KLHL8: variants seen among roughly 807,000 people sequenced by gnomAD.
The protein encoded by KLHL8 is kelch-like protein 8.
KLHL8 carries 38 observed loss-of-function variants against 63.5 expected under a neutral mutation model. The observed-to-expected ratio is 0.60, with a 90% CI of 0.46 to 0.78. KLHL8 has a LOEUF of 0.78. Among genes scored for constraint, KLHL8 ranks in the 30% least tolerant of loss-of-function variants. KLHL8 has a pLI of 0.00. For synonymous variants in KLHL8, 224 were observed against 254.3 expected (o/e 0.88, Z 1.13); for missense variants, 566 against 752.4 (o/e 0.75, Z 2.90).
At chr4:87,165,497 G>A (rs1258879406) in intron 8 of KLHL8, among the ~76,000 whole-genome samples, 3 of 151,582 alleles carry the variant, frequency 2.0e-5, no homozygotes, top group East Asian at 1.9e-4. Flanking sequence ...GGGCTCAAGC[G>A]ATCCTCCCAC....
rs1280953675 is a variant in KLHL8 at position 87,163,949 on chromosome 4, G to T, written c.1668C>A (p.Ile556=). 6.2e-7 allele frequency: 1 copy of T among 1,614,018 alleles called. No homozygotes were observed. Among genetic ancestry groups the T allele is most frequent in the Non-Finnish European group, 8.5e-7 (1 of 1,180,036 alleles). Residue 556 remains isoleucine, a synonymous_variant, in exon 9 of 10, where the codon ATC becomes ATA. Coordinates refer to ENST00000273963, the MANE Select transcript of KLHL8 (RefSeq NM_020803.5). ...TGCCATTATGACCACCAACTGCAAA[G>T]ATTTTGCCCATCACTGTTGCGATTC... is the stretch of plus-strand genomic sequence containing the variant. ...GVGIATVMGK[I]FAVGGHNGNA...
chr4:87,204,959 C>A (rs1439353634), intron 1 of KLHL8, among the ~76,000 whole-genome samples: 3 of 151,964 alleles, frequency 2.0e-5, no homozygotes, highest in Non-Finnish European at 2.9e-5. Flanking sequence ...TGGACTTGTA[C>A]CCCAAAAATG....
intron 2 of KLHL8, among the ~76,000 whole-genome samples, chr4:87,192,981 TA>T (rs1241843176): frequency 6.6e-6 from 1 of 152,188 alleles, no homozygotes; most frequent in Admixed American, 6.5e-5. Flanking sequence ...CGGGGTGAAT[TA>T]CTGAGTGGTG....
intron 4 of KLHL8, 36 bp from the exon 5 acceptor site, chr4:87,178,656 G>C (rs1331671286): frequency 6.8e-7 from 1 of 1,474,582 alleles, no homozygotes; most frequent in Non-Finnish European, 9.0e-7. Flanking sequence ...ATAAATCATA[G>C]CTGCCAAGTT....
Position 87,185,769 on chromosome 4 carries a change from G to C in KLHL8, c.247C>G (p.Leu83Val). The change falls in exon 3 of 10, where the codon CTG (leucine) becomes GTG (valine). Residue 83 changes from leucine to valine, a missense_variant. Transcript: ENST00000273963. ...VGSKLISCHK[L>V]VLACVIPYFR... ...TAGGGAATAACACAAGCCAATACCA[G>C]CTTGTGACAAGAGATTAGCTTTGAG... 6.2e-7 allele frequency: 1 copy of C among 1,610,948 alleles called. No homozygotes were observed. Among genetic ancestry groups the C allele is most frequent in the East Asian group, 2.2e-5 (1 of 44,828 alleles).
chr4:87,180,597 G>GT (rs879395153), intron 4 of KLHL8, among the ~76,000 whole-genome samples: 20 of 152,192 alleles, frequency 1.3e-4, no homozygotes, highest in Non-Finnish European at 2.2e-4. Context: ...GCTGTATTCT[G>GT]TATGTGCCTG....
intron 1 of KLHL8, among the ~76,000 whole-genome samples, chr4:87,209,296 A>AATGGAC (rs1349613448): frequency 5.9e-5 from 9 of 152,190 alleles, no homozygotes; most frequent in African/African-American, 2.2e-4. Context: ...AGAGGAAAAA[A>AATGGAC]ATGGACATCC....
chr4:87,214,415 G>GATATATATAGAT (rs1732512670), intron 1 of KLHL8, among the ~76,000 whole-genome samples: 1 of 93,086 alleles, frequency 1.1e-5, no homozygotes, highest in Non-Finnish European at 2.4e-5. Context: ...GCACATAACA[G>GATATATATAGAT]ATATATATAT....
chr4:87,187,569 C>A (rs995342461), intron 2 of KLHL8, among the ~76,000 whole-genome samples: 2 of 151,676 alleles, frequency 1.3e-5, no homozygotes, highest in East Asian at 1.9e-4. Flanking sequence ...AAATTTTATT[C>A]TCTTATATAA....
At chr4:87,194,020 G>A (rs1410210968) in intron 2 of KLHL8, among the ~76,000 whole-genome samples, 2 of 152,030 alleles carry the variant, frequency 1.3e-5, no homozygotes, top group African/African-American at 2.4e-5. Context: ...GATCACTTTC[G>A]CCATTATTAT....
chr4:87,185,110 G>T, intron 3 of KLHL8, 141 bp downstream of exon 3: 1 of 808,666 alleles, frequency 1.2e-6, no homozygotes, highest in Non-Finnish European at 1.8e-6. Context: ...AAATTAGAGA[G>T]CTAAAAGCCA....
At chr4:87,216,589 G>A (rs142803906) in intron 1 of KLHL8, among the ~76,000 whole-genome samples, 164 of 152,140 alleles carry the variant, frequency 1.1e-3, no homozygotes, top group African/African-American at 3.7e-3. Flanking sequence ...TTATGCTCAC[G>A]CTAACAGATT....
intron 1 of KLHL8, among the ~76,000 whole-genome samples, chr4:87,237,701 C>A (rs889477713): frequency 6.6e-6 from 1 of 152,076 alleles, no homozygotes; most frequent in Non-Finnish European, 1.5e-5. Context: ...GTGGCATGCA[C>A]CTGTGGTCCC....
chr4:87,162,727 A>G lies in KLHL8; in HGVS notation c.*792T>C, dbSNP rs993879857. ...CATCATTCTTTCTCAAGGTCTCTCA[A>G]TTGGGCACCAGAATAACATCAGATC... On this transcript the variant is annotated 3_prime_UTR_variant, in exon 10 of 10. Coordinates refer to ENST00000273963, the MANE Select transcript of KLHL8 (RefSeq NM_020803.5). 1 of 152,214 alleles carries G rather than the reference A, an allele frequency of 6.6e-6. No homozygotes were observed. The highest frequency in any genetic ancestry group is 2.4e-5 in the African/African-American group (1 of 41,462). 9.4% of individuals were successfully genotyped at this position (152,214 alleles called of 1,614,324 possible).
intron 1 of KLHL8, among the ~76,000 whole-genome samples, chr4:87,229,419 CT>C (rs1299829511): frequency 0.016 from 1,938 of 120,402 alleles, 17 homozygotes; most frequent in African/African-American, 0.044. Context: ...TATCTTTTTC[CT>C]TTTTTTTTTT....
chr4:87,194,038 T>C (rs538116459), intron 2 of KLHL8, among the ~76,000 whole-genome samples: 12 of 152,332 alleles, frequency 7.9e-5, no homozygotes, highest in African/African-American at 2.9e-4. Context: ...TATTTTTCTC[T>C]TCTATTAAAT....
intron 2 of KLHL8, among the ~76,000 whole-genome samples, chr4:87,190,625 C>T (rs1731444375): frequency 6.9e-6 from 1 of 144,026 alleles, no homozygotes; most frequent in South Asian, 2.4e-4. Flanking sequence ...GCCTGGGTGA[C>T]AGAGTGAGAC....
chr4:87,226,746 TAA>T (rs1491555065), intron 1 of KLHL8, among the ~76,000 whole-genome samples: 1 of 21,454 alleles, frequency 4.7e-5, no homozygotes. Flanking sequence ...TATTTATATA[TAA>T]TATATATTAT....
chr4:87,164,939 G>A (rs1050516096), intron 8 of KLHL8, among the ~76,000 whole-genome samples: 9 of 151,976 alleles, frequency 5.9e-5, no homozygotes, highest in South Asian at 2.1e-4. Context: ...ACGAGGTCAG[G>A]AGATCGAGAC....
Sources: gnomAD v4.1 joint callset for allele counts (sites outside exome capture counted in the v4.1 genomes callset) on GRCh38, gnomAD v4.1.1 for gene constraint, MANE v1.5 for transcripts, NCBI Gene and HGNC (gene_info 2026-07-23, HGNC 2026-07-21) for gene names.